Variants in BRD9 observed in about 807,000 individuals in gnomAD.
The protein encoded by BRD9 is bromodomain containing 9, also known as bromodomain-containing protein 9.
In BRD9, 47 loss-of-function variants were observed where a neutral mutation model predicts 68.7. That is an observed-to-expected ratio of 0.68 (90% CI 0.54 to 0.87). The LOEUF (loss-of-function observed/expected upper bound fraction) is 0.87. BRD9 is among the 40% of genes least tolerant of loss of function. BRD9 has a pLI of 0.00. For missense variants in BRD9, 670 were observed against 748.4 expected (o/e 0.90, Z 1.22); for synonymous variants, 313 against 293.9 (o/e 1.06, Z -0.67).
intron 12 of BRD9, among the ~76,000 whole-genome samples, chr5:872,835 G>A (rs1391389882): frequency 1.3e-5 from 2 of 152,222 alleles, no homozygotes; most frequent in East Asian, 3.9e-4. Context: ...CAAGGAAGGT[G>A]GAGACAGATG....
At position 892,795 on chromosome 5, in the gene BRD9, C is replaced by T. The variant is rs1580040158; in HGVS notation, c.-138G>A. 4 of 1,034,230 alleles carry T rather than the reference C, an allele frequency of 3.9e-6. No individual in the cohort carries two copies. The highest frequency in any genetic ancestry group is 4.9e-6 in the Non-Finnish European group (4 of 811,786). 64.1% of individuals were successfully genotyped at this position (1,034,230 alleles called of 1,614,324 possible). On this transcript the variant is annotated 5_prime_UTR_variant, in exon 1 of 16. Transcript: ENST00000467963. The stretch of plus-strand genomic sequence containing the variant: ...GGTTGCCGAGCTCGCTGGGCCGCGC[C>T]GGAAACGGGGCGAGGCGGGGCCGCG...
chr5:892,345 C>T (rs1753569217), intron 1 of BRD9: 3 of 754,484 alleles, frequency 4.0e-6, no homozygotes, highest in South Asian at 2.0e-5. Context: ...CAGATGCTTC[C>T]CTAGTCTCCA....
chr5:872,450 T>C lies in BRD9; in HGVS notation c.1384-886A>G, dbSNP rs1414041024. 3.9e-5 allele frequency among the ~76,000 whole-genome samples: 6 copies of C among 152,140 alleles called. No homozygotes were observed. The South Asian group carries it at 1.0e-3, about 26-fold the overall frequency. ...GAGAGGAAACCACAGAGCCTTCCCA[T>C]TTCCGGGCTGTGAGGGGGTCACTTT... On this transcript the variant is annotated intron_variant, in intron 12 of 15. Transcript: ENST00000467963.
At chr5:887,295 G>A (rs564984069) in intron 6 of BRD9, 66 bp downstream of exon 6, 66 of 1,368,764 alleles carry the variant, frequency 4.8e-5, no homozygotes, top group Middle Eastern at 1.8e-4. Context: ...GGCTCCCTTC[G>A]GGCACAAGCG....
rs923913590 is a variant in BRD9, at chr5:864,259, T to C, written c.*209A>G. ...ACTCTCTCTGCTGACACGATGGCCA[T>C]ATGGCCTTCGCGTATGACTCCACTC... On this transcript the variant is annotated 3_prime_UTR_variant, in exon 16 of 16. Coordinates refer to ENST00000467963, the MANE Select transcript of BRD9 (RefSeq NM_023924.5). 31 of 438,428 alleles carry C rather than the reference T, an allele frequency of 7.1e-5. No homozygotes were observed. The Admixed American group carries it at 9.1e-4, about 13-fold the overall frequency. 27.2% of individuals were successfully genotyped at this position (438,428 alleles called of 1,614,324 possible).
chr5:878,420 C>A lies in BRD9; in HGVS notation c.1206G>T (p.Lys402Asn), dbSNP rs778090180. The part of the protein sequence containing the change: ...MQNNSVFGDL[K>N]SDEMELLYSA... Reference sequence around the variant, plus strand: ...AGTAGAGCAGCTCCATCTCGTCCGACTTCAAGTCGCCAAATACTGAATTAT... The same window carrying A: ...AGTAGAGCAGCTCCATCTCGTCCGAATTCAAGTCGCCAAATACTGAATTAT... The change falls in exon 11 of 16, where the codon AAG becomes AAT. Residue 402 changes from lysine (K) to asparagine (N), a missense_variant. By Grantham distance (94) the Lys-to-Asn change is moderately conservative. Transcript: ENST00000467963. 6.2e-7 allele frequency: 1 copy of A among 1,614,274 alleles called. No individual in the cohort carries two copies. The highest frequency in any genetic ancestry group is 1.1e-5 in the South Asian group (1 of 91,092).
intron 14 of BRD9, 150 bp from the exon 15 acceptor site, chr5:865,731 T>A: frequency 1.2e-6 from 1 of 800,286 alleles, no homozygotes; most frequent in Non-Finnish European, 2.0e-6. Flanking sequence ...AGCAGACAGG[T>A]GGACAGGCCT....
chr5:870,255 C>T (rs1373151064), intron 14 of BRD9: 3 of 521,002 alleles, frequency 5.8e-6, no homozygotes, highest in East Asian at 3.3e-5. Context: ...GGGGCTGCAA[C>T]CACTTCTCAT....
intron 13 of BRD9, among the ~76,000 whole-genome samples, 187 bp downstream of exon 13, chr5:871,339 C>T (rs187660501): frequency 4.1e-4 from 63 of 152,366 alleles, no homozygotes; most frequent in African/African-American, 1.5e-3. Context: ...GAAGAATGTA[C>T]TGCGGCTTCA....
At position 891,836 on chromosome 5, in the gene BRD9, A is replaced by AG; in HGVS notation, c.70dup (p.Leu24ProfsTer15). On this transcript the variant is annotated frameshift_variant, in exon 2 of 16. Coordinates refer to ENST00000467963, the MANE Select transcript of BRD9 (RefSeq NM_023924.5). LOFTEE classifies it high-confidence loss of function. Reference sequence around the variant, plus strand: ...CAGGACTAGCTTTAGAGGCTTCTCCAGGGGCTTGTCGGCATAATCTGCACA... The same window carrying AG: ...CAGGACTAGCTTTAGAGGCTTCTCCAGGGGGCTTGTCGGCATAATCTGCACA... 6.4e-7 allele frequency: 1 copy of AG among 1,551,430 alleles called. No individual in the cohort carries two copies. The highest frequency in any genetic ancestry group is 8.7e-7 in the Non-Finnish European group (1 of 1,146,984).
rs1027133343 is a variant in BRD9, at chr5:892,360, C to G, written c.52+246G>C. ...CAGATGCTTCCCTAGTCTCCAGGAC[C>G]GGGGTGAGTGGGCTTGCAGCCTCGA... is the stretch of plus-strand genomic sequence containing the variant. On this transcript the variant is annotated intron_variant, in intron 1 of 15. Coordinates refer to ENST00000467963, the MANE Select transcript of BRD9 (RefSeq NM_023924.5). 3 of 854,004 alleles carry G rather than the reference C, an allele frequency of 3.5e-6. No homozygotes were observed. In the African/African-American group the frequency reaches 5.4e-5, roughly 15 times the overall value. 52.9% of individuals were successfully genotyped at this position (854,004 alleles called of 1,614,324 possible). A position where few individuals can be genotyped will look rare whatever the true frequency, so the allele number is the denominator to read the frequency against.
intron 15 of BRD9, 132 bp from the exon 16 acceptor site, chr5:864,700 T>C: frequency 1.4e-6 from 1 of 696,336 alleles, no homozygotes; most frequent in Non-Finnish European, 2.4e-6. Context: ...GGGGCACCTC[T>C]CACTCCCTGC....
At position 864,405 on chromosome 5, in the gene BRD9, A is replaced by G; in HGVS notation, c.*63T>C. On this transcript the variant is annotated 3_prime_UTR_variant, in exon 16 of 16. Coordinates refer to ENST00000467963, the MANE Select transcript of BRD9 (RefSeq NM_023924.5). ...GATCAAAGTCCTTGTCTGATGACAA[A>G]AACTCTACACGTGCAAAATAAAACT... 2.1e-6 allele frequency: 3 copies of G among 1,395,990 alleles called. No homozygotes were observed. The highest frequency in any genetic ancestry group is 2.4e-5 in the East Asian group (1 of 42,204). 86.5% of individuals were successfully genotyped at this position (1,395,990 alleles called of 1,614,324 possible).
At position 885,516 on chromosome 5, in the gene BRD9, C is replaced by T. The variant is rs556594463; in HGVS notation, c.833+1076G>A. 7.9e-5 allele frequency among the ~76,000 whole-genome samples: 12 copies of T among 152,344 alleles called. No homozygotes were observed. The South Asian group carries it at 1.9e-3, about 24-fold the overall frequency. ...GTGACCATCACAATTGCCTCAAGGA[C>T]GTTCAGTACCAACTCCAGACGGTCC... On this transcript the variant is annotated intron_variant, in intron 7 of 15. Coordinates refer to ENST00000467963, the MANE Select transcript of BRD9 (RefSeq NM_023924.5).
At chr5:883,742 C>T in intron 8 of BRD9, 196 bp downstream of exon 8, 2 of 722,886 alleles carry the variant, frequency 2.8e-6, no homozygotes, top group Non-Finnish European at 4.4e-6. Context: ...CCAGCGGCAG[C>T]CCTGCCAGAG....
At chr5:865,820 C>T (rs1203338753) in intron 14 of BRD9, 2 of 505,582 alleles carry the variant, frequency 4.0e-6, no homozygotes, top group African/African-American at 3.9e-5. Context: ...AAGCATCAGA[C>T]AAGACCTAGC....
At chr5:888,575 C>T (rs909892756) in intron 5 of BRD9, among the ~76,000 whole-genome samples, 5 of 152,186 alleles carry the variant, frequency 3.3e-5, no homozygotes, top group African/African-American at 9.7e-5. Flanking sequence ...TTCTCACAGC[C>T]AGTAGCAAGA....
intron 12 of BRD9, among the ~76,000 whole-genome samples, chr5:872,221 C>T (rs1038571368): frequency 6.6e-6 from 1 of 152,232 alleles, no homozygotes; most frequent in Non-Finnish European, 1.5e-5. Flanking sequence ...GATCTTTGTT[C>T]GAAATAATGT....
rs553255425 is a variant in BRD9 at position 878,820 on chromosome 5, C to T, written c.1139-333G>A. 189 of 337,890 alleles carry T rather than the reference C, an allele frequency of 5.6e-4. 3 individuals carry two copies. Among genetic ancestry groups the T allele is most frequent in the South Asian group, 3.7e-3 (156 of 42,010 alleles). The allele number at this position is 337,890 out of a possible 1,614,324, so 20.9% of individuals were successfully genotyped here. A position where few individuals can be genotyped will look rare whatever the true frequency, so the allele number is the denominator to read the frequency against. On this transcript the variant is annotated intron_variant, in intron 10 of 15. Transcript: ENST00000467963. ...GTGGAGGATCCCAACCAACACACAC[C>T]GCAGGGACCACGCCTGCCCAGGGCC...
Sources: allele counts gnomAD v4.1 joint callset (sites outside exome capture counted in the v4.1 genomes callset), GRCh38; gene constraint gnomAD v4.1.1; transcripts MANE v1.5; gene names NCBI Gene and HGNC (gene_info 2026-07-23, HGNC 2026-07-21).